Variants in CACNA2D3 observed in about 807,000 individuals in gnomAD.
CACNA2D3 encodes calcium voltage-gated channel auxiliary subunit alpha2delta 3.
Under a neutral mutation model 160.6 loss-of-function variants are expected in CACNA2D3, and 60 were observed. The ratio of observed to expected loss-of-function variants is 0.37; its 90% CI spans 0.30 to 0.46. The LOEUF is 0.46. CACNA2D3 is among the 20% of genes least tolerant of loss of function. The pLI, the probability that CACNA2D3 is intolerant of heterozygous loss-of-function variation, is 1.00. For missense variants in CACNA2D3, 1,205 were observed against 1,365.0 expected (o/e 0.88, Z 1.85); for synonymous variants, 558 against 492.9 (o/e 1.13, Z -1.75).
chr3:54,982,086 C>T (rs958610264), intron 29 of CACNA2D3, among the ~76,000 whole-genome samples: 28 of 152,098 alleles, frequency 1.8e-4, no homozygotes, highest in Admixed American at 4.6e-4. Context: ...TTCCCTTTTT[C>T]GGGGGAGGAA....
intron 27 of CACNA2D3, among the ~76,000 whole-genome samples, chr3:54,912,319 C>A (rs180845458): frequency 1.3e-5 from 2 of 152,232 alleles, no homozygotes; most frequent in Admixed American, 1.3e-4. Flanking sequence ...AGCCCACAGT[C>A]AAGGAGAGAG....
At position 54,239,340 on chromosome 3, in the gene CACNA2D3, A is replaced by G. The variant is rs1701936772; in HGVS notation, c.205-81102A>G. On this transcript the variant is annotated intron_variant, in intron 2 of 37. Transcript: ENST00000474759. ...GTAAATATTCATAAGGTTAACCACT[A>G]TCCCAAAGGAAGGGGTGTAGAGCAA... 2.6e-5 allele frequency among the ~76,000 whole-genome samples: 4 copies of G among 152,362 alleles called. 1 individual carries two copies. The South Asian group carries it at 8.3e-4, about 32-fold the overall frequency.
chr3:54,636,699 G>A (rs945336042), intron 10 of CACNA2D3, among the ~76,000 whole-genome samples: 1 of 151,956 alleles, frequency 6.6e-6, no homozygotes, highest in African/African-American at 2.4e-5. Flanking sequence ...AGGAAGGAAA[G>A]GAGTTGTTGT....
intron 27 of CACNA2D3, among the ~76,000 whole-genome samples, chr3:54,944,814 G>GTGTGTGT (rs1553925008): frequency 5.4e-5 from 6 of 111,410 alleles, no homozygotes; most frequent in African/African-American, 2.2e-4. Flanking sequence ...TAGAGCTGGG[G>GTGTGTGT]GTGTGTGTGT....
chr3:54,675,341 A>G, intron 11 of CACNA2D3, among the ~76,000 whole-genome samples: 1 of 152,268 alleles, frequency 6.6e-6, no homozygotes, highest in East Asian at 1.9e-4. Context: ...ACCAGGAATG[A>G]CAGAGGACAC....
At chr3:54,123,043 C>T (rs13095161) in intron 1 of CACNA2D3, among the ~76,000 whole-genome samples, 1 of 152,052 alleles carries the variant, frequency 6.6e-6, no homozygotes, top group Non-Finnish European at 1.5e-5. Flanking sequence ...CGAGTGAGAT[C>T]TGGAGAGGCT....
intron 3 of CACNA2D3, among the ~76,000 whole-genome samples, chr3:54,386,305 T>C (rs1457573767): frequency 1.3e-5 from 2 of 152,154 alleles, no homozygotes; most frequent in Non-Finnish European, 2.9e-5. Context: ...TTCCAAAATA[T>C]TGGGGAAGAA....
At chr3:54,400,115 C>T (rs1215044983) in intron 4 of CACNA2D3, among the ~76,000 whole-genome samples, 2 of 143,994 alleles carry the variant, frequency 1.4e-5, no homozygotes, top group Admixed American at 7.0e-5. Flanking sequence ...CTCCCTGACC[C>T]CTTGCGCTTC....
intron 27 of CACNA2D3, among the ~76,000 whole-genome samples, chr3:54,932,543 T>C (rs1411907715): frequency 1.3e-5 from 2 of 152,052 alleles, no homozygotes; most frequent in Non-Finnish European, 2.9e-5. Flanking sequence ...CTGGAATATT[T>C]GAGATGTCTT....
At position 54,236,130 on chromosome 3, in the gene CACNA2D3, C is replaced by T. The variant is rs184421152; in HGVS notation, c.205-84312C>T. Among the ~76,000 whole-genome samples, 15 of 152,278 alleles carry T rather than the reference C, an allele frequency of 9.9e-5. No homozygotes were observed. The East Asian group carries it at 2.9e-3, about 29-fold the overall frequency. ...GAGGAATACTCTACAAAATACCTGA[C>T]CAGTACTTCTCAACACAGTACTGCT... is the stretch of plus-strand genomic sequence containing the variant. On this transcript the variant is annotated intron_variant, in intron 2 of 37. Coordinates refer to ENST00000474759, the MANE Select transcript of CACNA2D3 (RefSeq NM_018398.3).
chr3:55,004,812 A>G lies in CACNA2D3; in HGVS notation c.2740A>G (p.Ser914Gly), dbSNP rs370212836. 6.2e-7 allele frequency: 1 copy of G among 1,613,640 alleles called. No individual in the cohort carries two copies. ...QAMCRANKESSDGAHGLLDPY... is the reference protein window; with the variant it reads ...QAMCRANKESGDGAHGLLDPY... ...CATGTGTAGAGCCAACAAGGAAAGC[A>G]GCGATGGCGCCCATGGCCTCCTGGA... The change falls in exon 32 of 38, where the codon AGC becomes GGC. Residue 914 changes from serine to glycine, a missense_variant. Coordinates refer to ENST00000474759, the MANE Select transcript of CACNA2D3 (RefSeq NM_018398.3).
At chr3:54,580,141 C>T (rs1165078211) in intron 8 of CACNA2D3, among the ~76,000 whole-genome samples, 1 of 152,060 alleles carries the variant, frequency 6.6e-6, no homozygotes, top group African/African-American at 2.4e-5. Context: ...TTTTGCCGTG[C>T]CTCAGTTTCC....
In CACNA2D3 at chr3:54,980,216, C is replaced by T. The variant is rs746598552; in HGVS notation, c.2557-4392C>T. On this transcript the variant is annotated intron_variant, in intron 29 of 37. Coordinates refer to ENST00000474759, the MANE Select transcript of CACNA2D3 (RefSeq NM_018398.3). ...TATTCAGTCTTAATCAGTTTGACCA[C>T]GAGGTAAGATTTTCATAAACCTTGT... 3.3e-5 allele frequency among the ~76,000 whole-genome samples: 5 copies of T among 152,116 alleles called. 1 individual carries two copies. Among genetic ancestry groups the T allele is most frequent in the South Asian group, 2.1e-4 (1 of 4,834 alleles).
chr3:54,701,989 CA>C (rs1361262154), intron 11 of CACNA2D3, among the ~76,000 whole-genome samples: 4 of 152,068 alleles, frequency 2.6e-5, no homozygotes, highest in Non-Finnish European at 5.9e-5. Flanking sequence ...ACCAAGTCAA[CA>C]ATAACAAGCA....
intron 11 of CACNA2D3, among the ~76,000 whole-genome samples, chr3:54,697,150 T>C (rs1700680602): frequency 6.6e-6 from 1 of 152,088 alleles, no homozygotes; most frequent in Non-Finnish European, 1.5e-5. Flanking sequence ...TGGTGGTGCA[T>C]GCTTGTGGTC....
At chr3:54,686,992 C>T (rs552425051) in intron 11 of CACNA2D3, among the ~76,000 whole-genome samples, 54 of 152,042 alleles carry the variant, frequency 3.6e-4, no homozygotes, top group Middle Eastern at 3.4e-3. Context: ...TGTTTTGACC[C>T]GGAGTCATTG....
intron 2 of CACNA2D3, among the ~76,000 whole-genome samples, chr3:54,265,582 GTA>G (rs869178105): frequency 2.5e-4 from 37 of 149,008 alleles, no homozygotes; most frequent in Middle Eastern, 3.5e-3. Context: ...TATAGTGTGT[GTA>G]TATATATATA....
At chr3:54,428,968 C>T (rs2106768201) in intron 4 of CACNA2D3, among the ~76,000 whole-genome samples, 1 of 152,310 alleles carries the variant, frequency 6.6e-6, no homozygotes, top group South Asian at 2.1e-4. Flanking sequence ...AGATCAGATG[C>T]CTGTTGTAGC....
At chr3:54,972,191 C>T (rs9883576) in intron 29 of CACNA2D3, among the ~76,000 whole-genome samples, 5,928 of 152,138 alleles carry the variant, frequency 0.039, 377 homozygotes, top group African/African-American at 0.14. Flanking sequence ...TGGGATAAAC[C>T]CCTATTCAAA....
Sources: allele counts gnomAD v4.1 joint callset (sites outside exome capture counted in the v4.1 genomes callset), GRCh38; gene constraint gnomAD v4.1.1; transcripts MANE v1.5; gene names NCBI Gene and HGNC (gene_info 2026-07-23, HGNC 2026-07-21).